KCNIP4: variants seen among roughly 807,000 people sequenced by gnomAD.
KCNIP4 encodes the protein Kv channel-interacting protein 4.
KCNIP4 carries 12 observed loss-of-function variants against 34.0 expected under a neutral mutation model. That is an observed-to-expected ratio of 0.35 (90% CI 0.23 to 0.57). The LOEUF is 0.57. KCNIP4 is among the 20% of genes least tolerant of loss of function. The pLI is 0.83. For missense variants in KCNIP4, 238 were observed against 311.7 expected (o/e 0.76, Z 1.78); for synonymous variants, 124 against 102.2 (o/e 1.21, Z -1.29).
At chr4:21,618,130 T>C (rs1289731598) in intron 1 of KCNIP4, among the ~76,000 whole-genome samples, 3 of 152,196 alleles carry the variant, frequency 2.0e-5, no homozygotes, top group South Asian at 2.1e-4. Flanking sequence ...TATATTTGTT[T>C]TACATTGGCA....
intron 1 of KCNIP4, among the ~76,000 whole-genome samples, chr4:21,652,748 A>G (rs919824221): frequency 2.0e-5 from 3 of 152,278 alleles, no homozygotes; most frequent in African/African-American, 7.2e-5. Context: ...AGAGATCACC[A>G]AAGAATACAG....
chr4:21,014,345 C>A (rs1286116088), intron 1 of KCNIP4, among the ~76,000 whole-genome samples: 1 of 152,146 alleles, frequency 6.6e-6, no homozygotes, highest in African/African-American at 2.4e-5. Flanking sequence ...TTTTCACATT[C>A]CCCCAACACT....
At chr4:21,786,963 T>C (rs985433250) in intron 1 of KCNIP4, among the ~76,000 whole-genome samples, 1 of 152,046 alleles carries the variant, frequency 6.6e-6, no homozygotes, top group Non-Finnish European at 1.5e-5. Flanking sequence ...TTCTGCCAGG[T>C]GAAGGTAAAC....
intron 1 of KCNIP4, among the ~76,000 whole-genome samples, chr4:21,192,090 A>G (rs1415893044): frequency 6.6e-6 from 1 of 152,218 alleles, no homozygotes; most frequent in Non-Finnish European, 1.5e-5. Context: ...TTACAAGCAG[A>G]CATTCAATTA....
chr4:21,490,991 T>C (rs1327902588), intron 1 of KCNIP4, among the ~76,000 whole-genome samples: 1 of 152,078 alleles, frequency 6.6e-6, no homozygotes, highest in Admixed American at 6.6e-5. Flanking sequence ...GATCTGGAAA[T>C]GGAACAGAAA....
intron 1 of KCNIP4, among the ~76,000 whole-genome samples, chr4:21,052,005 ATAAC>A (rs1742976224): frequency 6.6e-6 from 1 of 152,238 alleles, no homozygotes; most frequent in Non-Finnish European, 1.5e-5. Context: ...ATTTCATAAA[ATAAC>A]TACACCTCAA....
intron 1 of KCNIP4, among the ~76,000 whole-genome samples, chr4:21,255,862 C>T (rs1008500051): frequency 6.6e-6 from 1 of 152,130 alleles, no homozygotes; most frequent in Non-Finnish European, 1.5e-5. Context: ...AACCCGGATG[C>T]TTTATTCATT....
At chr4:21,552,919 T>C (rs1031577166) in intron 1 of KCNIP4, among the ~76,000 whole-genome samples, 2 of 152,036 alleles carry the variant, frequency 1.3e-5, no homozygotes, top group African/African-American at 4.8e-5. Flanking sequence ...GCCATGGAAA[T>C]TCCAAAGGTT....
Position 21,202,929 on chromosome 4 carries a change from T to A in KCNIP4, c.62-320220A>T, listed in dbSNP as rs184718275. Among the ~76,000 whole-genome samples the A allele has an allele frequency of 4.3e-3, 656 of 152,250 alleles. 3 individuals are homozygous for A. The highest frequency in any genetic ancestry group is 6.5e-3 in the Non-Finnish European group (440 of 68,014). On this transcript the variant is annotated intron_variant, in intron 1 of 8. Transcript: ENST00000382152. The stretch of plus-strand genomic sequence containing the variant: ...GCTCTTGGCCCACAGCCTGCTCTCC[T>A]CCATTGTCACCTCTAGCTCAGTCCT...
intron 1 of KCNIP4, among the ~76,000 whole-genome samples, chr4:21,537,537 AAT>A (rs1737293348): frequency 6.6e-6 from 1 of 152,044 alleles, no homozygotes; most frequent in South Asian, 2.1e-4. Flanking sequence ...AATACAAAAA[AAT>A]ATCACCATCT....
At chr4:20,794,758 C>G (rs1292229743) in intron 3 of KCNIP4, among the ~76,000 whole-genome samples, 1 of 152,174 alleles carries the variant, frequency 6.6e-6, no homozygotes, top group Non-Finnish European at 1.5e-5. Context: ...CACCTGTATT[C>G]ATGTTGCATA....
At chr4:21,132,045 A>C (rs1751110221) in intron 1 of KCNIP4, among the ~76,000 whole-genome samples, 1 of 152,182 alleles carries the variant, frequency 6.6e-6, no homozygotes, top group African/African-American at 2.4e-5. Context: ...TGAAAGATGG[A>C]GATTTATTGT....
At chr4:21,225,919 C>G (rs923498114) in intron 1 of KCNIP4, among the ~76,000 whole-genome samples, 1 of 152,080 alleles carries the variant, frequency 6.6e-6, no homozygotes, top group South Asian at 2.1e-4. Flanking sequence ...TACTTATTAT[C>G]AAGTCTCTTC....
At chr4:20,826,477 C>G (rs577596002) in intron 3 of KCNIP4, among the ~76,000 whole-genome samples, 1 of 151,388 alleles carries the variant, frequency 6.6e-6, no homozygotes, top group African/African-American at 2.4e-5. Flanking sequence ...CCTAGCTACT[C>G]GGGAGGTTGA....
At position 21,364,036 on chromosome 4, in the gene KCNIP4, T is replaced by A. The variant is rs572391286; in HGVS notation, c.62-481327A>T. Among the ~76,000 whole-genome samples the A allele has an allele frequency of 1.1e-4, 17 of 152,234 alleles. No individual in the cohort carries two copies. The East Asian group carries it at 2.5e-3, about 22-fold the overall frequency. Reference sequence around the variant, plus strand: ...AAGCTTATAGGTTAAAAGTTACTTATCTTTATTCTAAGAAAATGTGAGCCT... The same window carrying A: ...AAGCTTATAGGTTAAAAGTTACTTAACTTTATTCTAAGAAAATGTGAGCCT... On this transcript the variant is annotated intron_variant, in intron 1 of 8. Coordinates refer to ENST00000382152, the MANE Select transcript of KCNIP4 (RefSeq NM_025221.6).
In KCNIP4 at chr4:20,730,196, C is replaced by CCTGAGTATT. The variant is rs1747661166; in HGVS notation, c.706-76_706-68dup. On this transcript the variant is annotated intron_variant, in intron 8 of 8. Coordinates refer to ENST00000382152, the MANE Select transcript of KCNIP4 (RefSeq NM_025221.6). ...GCAAGGAAAAGTACACTATTTTGCC[C>CCTGAGTATT]CTGAGTATTGCCTCCTCCCATCAAC... is the stretch of plus-strand genomic sequence containing the variant. 2.0e-6 allele frequency: 3 copies of CCTGAGTATT among 1,517,364 alleles called. 1 individual carries two copies. In the East Asian group the frequency reaches 7.2e-5, roughly 36 times the overall value. 94.0% of individuals were successfully genotyped at this position (1,517,364 alleles called of 1,614,324 possible).
At chr4:21,611,282 G>A (rs1315930655) in intron 1 of KCNIP4, among the ~76,000 whole-genome samples, 2 of 152,248 alleles carry the variant, frequency 1.3e-5, no homozygotes, top group South Asian at 2.1e-4. Context: ...TAAACATTAT[G>A]TGTGCATGTG....
At chr4:20,949,762 A>G (rs1460913313) in intron 1 of KCNIP4, among the ~76,000 whole-genome samples, 4 of 151,580 alleles carry the variant, frequency 2.6e-5, no homozygotes, top group African/African-American at 9.7e-5. Context: ...GCAATAACAA[A>G]AAACCAAACA....
chr4:20,804,013 T>C (rs1714752214), intron 3 of KCNIP4, among the ~76,000 whole-genome samples: 1 of 152,180 alleles, frequency 6.6e-6, no homozygotes, highest in Non-Finnish European at 1.5e-5. Flanking sequence ...GTAGTTGTGA[T>C]GATCAAATGA....
Sources: gnomAD v4.1 joint callset for allele counts (sites outside exome capture counted in the v4.1 genomes callset) on GRCh38, gnomAD v4.1.1 for gene constraint, MANE v1.5 for transcripts, NCBI Gene and HGNC (gene_info 2026-07-23, HGNC 2026-07-21) for gene names.